The following CPVL variants were observed in gnomAD, a reference collection of about 807,000 sequenced individuals.
The protein encoded by CPVL is carboxypeptidase vitellogenic like.
CPVL carries 51 observed loss-of-function variants against 63.7 expected under a neutral mutation model. The ratio of observed to expected loss-of-function variants is 0.80; its 90% CI spans 0.64 to 1.01. The LOEUF (loss-of-function observed/expected upper bound fraction) is 1.01, where lower values mean the gene tolerates loss of function less well. CPVL is among the 50% of genes least tolerant of loss of function. CPVL has a pLI of 0.00. For missense variants in CPVL, 530 were observed against 573.1 expected, an observed-to-expected ratio of 0.92 and a Z score of 0.77; for synonymous variants, 195 against 206.0, an observed-to-expected ratio of 0.95 and a Z score of 0.46.
chr7:29,060,316 A>C (rs1326513989), intron 11 of CPVL, among the ~76,000 whole-genome samples: 1 of 152,208 alleles, frequency 6.6e-6, no homozygotes, highest in East Asian at 1.9e-4. Context: ...CAGAGAGTTT[A>C]AGTTTCCTCT....
intron 12 of CPVL, among the ~76,000 whole-genome samples, chr7:29,028,835 G>GGC (rs1787741770): frequency 6.6e-6 from 1 of 151,840 alleles, no homozygotes; most frequent in Non-Finnish European, 1.5e-5. Context: ...TGTGGTGGCA[G>GGC]GCGCCTGTAG....
At chr7:29,134,271 C>T (rs150370306) in intron 1 of CPVL, among the ~76,000 whole-genome samples, 1 of 152,194 alleles carries the variant, frequency 6.6e-6, no homozygotes, top group East Asian at 1.9e-4. Context: ...AGAACCTACA[C>T]ATAATGACAT....
At chr7:29,152,195 G>A (rs1185564790) in intron 5 of CPVL, among the ~76,000 whole-genome samples, 1 of 152,148 alleles carries the variant, frequency 6.6e-6, no homozygotes, top group Non-Finnish European at 1.5e-5. Context: ...TGGGCAAAAG[G>A]TATTTCTTGG....
intron 5 of CPVL, among the ~76,000 whole-genome samples, chr7:29,173,721 T>A (rs1796902485): frequency 6.7e-6 from 1 of 150,226 alleles, no homozygotes; most frequent in African/African-American, 2.5e-5. Flanking sequence ...GGCGGGCAGA[T>A]CACTTGAGGT....
chr7:29,066,793 G>A (rs1783176851), intron 9 of CPVL, among the ~76,000 whole-genome samples: 1 of 152,208 alleles, frequency 6.6e-6, no homozygotes, highest in South Asian at 2.1e-4. Context: ...CAGCTGAGCG[G>A]GAGAGCAGTC....
intron 1 of CPVL, among the ~76,000 whole-genome samples, chr7:29,133,861 C>A (rs1165055945): frequency 6.6e-6 from 1 of 152,140 alleles, no homozygotes; most frequent in East Asian, 1.9e-4. Flanking sequence ...TCAAACCATA[C>A]AACTACAGAA....
intron 1 of CPVL, among the ~76,000 whole-genome samples, chr7:29,129,492 G>A (rs1455402666): frequency 7.5e-6 from 1 of 133,806 alleles, no homozygotes; most frequent in African/African-American, 2.7e-5. Context: ...TTTTTTTTGA[G>A]ACGAGTCTCG....
At chr7:28,999,518 C>T (rs954286672) in intron 12 of CPVL, among the ~76,000 whole-genome samples, 1 of 152,196 alleles carries the variant, frequency 6.6e-6, no homozygotes, top group African/African-American at 2.4e-5. Flanking sequence ...TTGTTTAATA[C>T]CTACTCATGA....
At chr7:29,041,126 A>ATTTTTTTTT (rs1191228187) in intron 11 of CPVL, among the ~76,000 whole-genome samples, 22 of 104,918 alleles carry the variant, frequency 2.1e-4, no homozygotes, top group South Asian at 3.2e-4. Context: ...CAATAACTGG[A>ATTTTTTTTT]TTTTTTTTTT....
At chr7:29,022,252 T>C (rs1787069674) in intron 12 of CPVL, among the ~76,000 whole-genome samples, 1 of 152,128 alleles carries the variant, frequency 6.6e-6, no homozygotes. Context: ...CAACCCGGTC[T>C]GCTTGCCACC....
chr7:29,104,707 A>G (rs1283043654), intron 3 of CPVL, among the ~76,000 whole-genome samples: 2 of 152,144 alleles, frequency 1.3e-5, no homozygotes, highest in African/African-American at 4.8e-5. Context: ...TACCTGGCTC[A>G]TTCCTTCATG....
At chr7:29,053,448 C>A (rs765197688) in intron 11 of CPVL, among the ~76,000 whole-genome samples, 2 of 151,850 alleles carry the variant, frequency 1.3e-5, no homozygotes, top group African/African-American at 2.4e-5. Flanking sequence ...ATGTATGAAC[C>A]CTGAAAACAT....
chr7:29,169,652 A>G (rs1166927892), intron 5 of CPVL, among the ~76,000 whole-genome samples: 2 of 151,958 alleles, frequency 1.3e-5, no homozygotes, highest in Non-Finnish European at 2.9e-5. Flanking sequence ...TTCATGTCCT[A>G]TGTATGGCTG....
At chr7:29,159,622 C>T (rs371944421) in intron 5 of CPVL, among the ~76,000 whole-genome samples, 16 of 152,258 alleles carry the variant, frequency 1.1e-4, no homozygotes, top group African/African-American at 3.6e-4. Context: ...TCCTTCCCCG[C>T]TTCGTGCAGA....
At chr7:29,099,006 G>A (rs925849354) in intron 3 of CPVL, among the ~76,000 whole-genome samples, 9 of 151,984 alleles carry the variant, frequency 5.9e-5, no homozygotes, top group Non-Finnish European at 1.2e-4. Flanking sequence ...CGGTCATTGC[G>A]GTGAGCCAAG....
chr7:29,038,288 T>A (rs557063725), intron 11 of CPVL, among the ~76,000 whole-genome samples: 2 of 152,092 alleles, frequency 1.3e-5, no homozygotes, highest in Non-Finnish European at 2.9e-5. Context: ...CCCTCATGAA[T>A]GGAATTAGTG....
At chr7:29,125,242 T>C (rs938290273) in intron 1 of CPVL, among the ~76,000 whole-genome samples, 1 of 152,134 alleles carries the variant, frequency 6.6e-6, no homozygotes, top group African/African-American at 2.4e-5. Flanking sequence ...TACAAGATAT[T>C]AAATGTTCAT....
At chr7:29,004,332 CTGAGAG>C (rs1417076805) in intron 12 of CPVL, among the ~76,000 whole-genome samples, 1 of 152,066 alleles carries the variant, frequency 6.6e-6, no homozygotes, top group Non-Finnish European at 1.5e-5. Flanking sequence ...GAATGAACAC[CTGAGAG>C]GTGAAGACCT....
At chr7:29,064,323 A>G in intron 10 of CPVL, 89 bp from the exon 11 acceptor site, 1 of 702,298 alleles carries the variant, frequency 1.4e-6, no homozygotes, top group East Asian at 2.8e-5. Flanking sequence ...CTCATAACAT[A>G]CAACATGGAG....
Sources: gnomAD v4.1 joint callset for allele counts (sites outside exome capture counted in the v4.1 genomes callset) on GRCh38, gnomAD v4.1.1 for gene constraint, MANE v1.5 for transcripts, NCBI Gene and HGNC (gene_info 2026-07-23, HGNC 2026-07-21) for gene names.